Variants in ARHGAP9 observed in about 807,000 individuals in gnomAD.
The protein encoded by ARHGAP9 is Rho GTPase activating protein 9.
In ARHGAP9, 76 loss-of-function variants were observed where a neutral mutation model predicts 87.3. The ratio of observed to expected loss-of-function variants is 0.87; its 90% CI spans 0.72 to 1.05. The LOEUF (loss-of-function observed/expected upper bound fraction) is 1.05, where lower values mean the gene tolerates loss of function less well. Ranked by LOEUF, ARHGAP9 falls within the 50% of genes least tolerant of loss-of-function variation. The probability of loss-of-function intolerance (pLI) is 0.00; values close to 1 mark genes in which losing one functional copy is unlikely to be tolerated. For synonymous variants in ARHGAP9, 382 were observed against 394.9 expected (o/e 0.97, Z 0.39); for missense variants, 941 against 960.5 (o/e 0.98, Z 0.27).
upstream of ARHGAP9, chr12:57,483,908 C>T (rs1275856846): frequency 2.2e-6 from 1 of 453,746 alleles, no homozygotes; most frequent in Non-Finnish European, 4.4e-6. Context: ...GGTGTGCTGG[C>T]CCAGCTACTG....
chr12:57,483,968 G>A (rs984722873), upstream of ARHGAP9: 1 of 449,788 alleles, frequency 2.2e-6, no homozygotes, highest in Non-Finnish European at 4.4e-6. Flanking sequence ...TTGAACCTGG[G>A]AGGCAGAGAT....
rs377521204 is a variant in ARHGAP9 at position 57,477,624 on chromosome 12, A to G, written c.591T>C (p.Leu197=). Residue 197 remains leucine (L), a synonymous_variant, in exon 4 of 18, where the codon CTT becomes CTC. Coordinates refer to ENST00000393791, the MANE Select transcript of ARHGAP9 (RefSeq NM_032496.4). ...GGGGTGGGGACCGAGGACAGCGGCG[A>G]AGGTCCACCAGGTTACAGTACACAG... ...EPPVYCNLVD[L]RRCPRSPPPG... 2 of 1,613,116 alleles carry G rather than the reference A, an allele frequency of 1.2e-6. No individual in the cohort carries two copies. Among genetic ancestry groups the G allele is most frequent in the Non-Finnish European group, 1.7e-6 (2 of 1,179,638 alleles).
chr12:57,476,826 G>A (rs775257721), intron 6 of ARHGAP9, 45 bp downstream of exon 6: 11 of 1,545,630 alleles, frequency 7.1e-6, no homozygotes, highest in Middle Eastern at 1.9e-4. Flanking sequence ...GGGGGGAGGG[G>A]GGGCAGGGAG....
At chr12:57,480,239 T>C (rs1057156027), upstream of ARHGAP9, 8 of 568,804 alleles carry the variant, frequency 1.4e-5, no homozygotes, top group Non-Finnish European at 1.8e-5. Flanking sequence ...TGGAGTGTGA[T>C]GGCGAGATCT....
At chr12:57,478,943 A>G in intron 2 of ARHGAP9, 148 bp downstream of exon 2, 1 of 1,193,994 alleles carries the variant, frequency 8.4e-7, no homozygotes, top group Non-Finnish European at 1.2e-6. Flanking sequence ...TGGCGGGGGC[A>G]AGAGGTAGGC....
At chr12:57,484,118 C>T (rs1040295480), upstream of ARHGAP9, 1 of 187,498 alleles carries the variant, frequency 5.3e-6, no homozygotes, top group Non-Finnish European at 1.1e-5. Flanking sequence ...TTTGGGAAGC[C>T]GAAGCAGGCG....
In ARHGAP9 at chr12:57,475,523, C is replaced by CA. The variant is rs758448027; in HGVS notation, c.1403dup (p.Ser469ValfsTer81). 7 of 1,604,552 alleles carry CA rather than the reference C, an allele frequency of 4.4e-6. No individual in the cohort carries two copies. Among genetic ancestry groups the CA allele is most frequent in the Non-Finnish European group, 5.9e-6 (7 of 1,176,782 alleles). On this transcript the variant is annotated frameshift_variant, in exon 11 of 18. Transcript: ENST00000393791. LOFTEE classifies it high-confidence loss of function. Reference sequence around the variant, plus strand: ...TGCTGAGGCGCAGCAGCGGCTTGGACACCAGCTCCGACTCCTCTTCTTCGT... The same window carrying CA: ...TGCTGAGGCGCAGCAGCGGCTTGGACAACCAGCTCCGACTCCTCTTCTTCGT...
At chr12:57,473,901 C>A (rs1296912159) in intron 16 of ARHGAP9, 141 bp downstream of exon 16, 2 of 1,367,566 alleles carry the variant, frequency 1.5e-6, no homozygotes, top group Non-Finnish European at 2.0e-6. Context: ...AAAAAAGCAA[C>A]TGGAGTAGGC....
chr12:57,476,718 AG>A lies in ARHGAP9; in HGVS notation c.964-68del, dbSNP rs1020586030. The A allele has an allele frequency of 8.2e-6, 13 of 1,583,338 alleles. No homozygotes were observed. The African/African-American group carries it at 1.3e-4, about 15-fold the overall frequency. On this transcript the variant is annotated intron_variant, in intron 6 of 17. Transcript: ENST00000393791. Reference sequence around the variant, plus strand: ...CTCCATAGTGGCCACGGCTTTCCCTAGGGGGTCTCCCAGGAGTGAAGTCCCT... The same window carrying A: ...CTCCATAGTGGCCACGGCTTTCCCTAGGGGTCTCCCAGGAGTGAAGTCCCT...
upstream of ARHGAP9, among the ~76,000 whole-genome samples, chr12:57,481,669 G>A (rs568523767): frequency 3.2e-4 from 49 of 152,216 alleles, no homozygotes; most frequent in Non-Finnish European, 5.7e-4. Flanking sequence ...AGTCACCCCC[G>A]ACCTTGCCTG....
intron 13 of ARHGAP9, 29 bp from the exon 14 acceptor site, chr12:57,474,732 A>C: frequency 6.2e-7 from 1 of 1,613,314 alleles, no homozygotes; most frequent in Non-Finnish European, 8.5e-7. Context: ...GTAGATAAGG[A>C]CTGCTGCTTG....
chr12:57,482,475 C>T (rs932852719), upstream of ARHGAP9, among the ~76,000 whole-genome samples: 20 of 152,158 alleles, frequency 1.3e-4, no homozygotes, highest in African/African-American at 4.6e-4. Flanking sequence ...CTCCTGACCT[C>T]GTGATCCACC....
At chr12:57,475,996 C>T in intron 9 of ARHGAP9, 65 bp from the exon 10 acceptor site, 1 of 1,530,626 alleles carries the variant, frequency 6.5e-7, no homozygotes, top group Non-Finnish European at 8.8e-7. Flanking sequence ...GGAGACCTAG[C>T]GGGAGGCCTG....
rs552499691 is a variant in ARHGAP9, at chr12:57,479,416, C to T, written c.-10G>A. ...ACCGGCTGGATAGCATTGTAGCCAG[C>T]ACTGTCACCTGTGAGAAAAAGGGAC... On this transcript the variant is annotated 5_prime_UTR_variant, in exon 2 of 18. Coordinates refer to ENST00000393791, the MANE Select transcript of ARHGAP9 (RefSeq NM_032496.4). The T allele has an allele frequency of 7.5e-6, 12 of 1,608,272 alleles. No individual in the cohort carries two copies. The highest frequency in any genetic ancestry group is 1.1e-5 in the South Asian group (1 of 90,770).
At chr12:57,486,861 G>C (rs565725637) in intron 1 of ARHGAP9, among the ~76,000 whole-genome samples, 19 of 142,402 alleles carry the variant, frequency 1.3e-4, no homozygotes, top group East Asian at 4.5e-4. Flanking sequence ...AGTCCAGACT[G>C]GGGGGCAGAG....
chr12:57,477,989 G>A, intron 3 of ARHGAP9: 1 of 1,203,658 alleles, frequency 8.3e-7, no homozygotes, highest in Non-Finnish European at 1.1e-6. Flanking sequence ...AATGTTGAAG[G>A]GGGTGCCCCA....
chr12:57,487,874 A>AAAAT, intron 1 of ARHGAP9: 2 of 400,428 alleles, frequency 5.0e-6, no homozygotes, highest in African/African-American at 2.3e-5. Context: ...AAAAAAAAAA[A>AAAAT]GTGCAGTCTA....
intron 16 of ARHGAP9, 44 bp downstream of exon 16, chr12:57,473,998 G>T (rs767972366): frequency 2.2e-5 from 35 of 1,589,626 alleles, no homozygotes; most frequent in Non-Finnish European, 2.6e-5. Context: ...TTTACCACCC[G>T]TGTCCCCCAC....
At chr12:57,480,724 G>T, upstream of ARHGAP9, 1 of 1,496,538 alleles carries the variant, frequency 6.7e-7, no homozygotes, top group South Asian at 1.2e-5. Context: ...GGTGGGAAGT[G>T]ACCTTCCCTG....
Sources: allele counts gnomAD v4.1 joint callset (sites outside exome capture counted in the v4.1 genomes callset), GRCh38; gene constraint gnomAD v4.1.1; transcripts MANE v1.5; gene names NCBI Gene and HGNC (gene_info 2026-07-23, HGNC 2026-07-21).